Variants in FAM153A observed in about 807,000 individuals in gnomAD.
FAM153A encodes family with sequence similarity 153 member A, also known as protein FAM153A.
In FAM153A, 12 loss-of-function variants were observed where a neutral mutation model predicts 48.1. The observed-to-expected ratio is 0.25, with a 90% confidence interval of 0.16 to 0.40. The LOEUF (loss-of-function observed/expected upper bound fraction) is 0.40, where lower values mean the gene tolerates loss of function less well. Ranked by LOEUF, FAM153A falls within the 10% of genes least tolerant of loss-of-function variation. The pLI is 1.00. For synonymous variants in FAM153A, 36 were observed against 118.2 expected (o/e 0.30, Z 4.51); for missense variants, 111 against 345.8 (o/e 0.32, Z 5.38).
chr5:177,781,885 ATTTTT>A (rs1278832484), upstream of FAM153A, among the ~76,000 whole-genome samples: 1 of 67,294 alleles, frequency 1.5e-5, no homozygotes, highest in Non-Finnish European at 3.1e-5. Flanking sequence ...CGCCCGGCTA[ATTTTT>A]TTTTTTTTTT....
the FAM153A span, among the ~76,000 whole-genome samples, chr5:177,699,003 A>G: frequency 6.6e-6 from 1 of 151,586 alleles, no homozygotes; most frequent in Non-Finnish European, 1.5e-5. Context: ...GTCTCACTAT[A>G]TTCCCTAGGC....
chr5:177,759,703 C>G (rs2127710338), intron 1 of FAM153A, among the ~76,000 whole-genome samples: 2 of 151,080 alleles, frequency 1.3e-5, no homozygotes, highest in East Asian at 3.9e-4. Context: ...TCTCAGCAAA[C>G]TATAGCAAGG....
chr5:177,753,115 T>C, intron 1 of FAM153A: 1 of 1,370,824 alleles, frequency 7.3e-7, no homozygotes, highest in Non-Finnish European at 1.0e-6. Context: ...ACATTTAACA[T>C]ACAGGAAAAC....
intron 25 of FAM153A, chr5:177,714,070 G>T (rs1338423395): frequency 2.6e-5 from 4 of 151,682 alleles, no homozygotes; most frequent in Admixed American, 2.6e-4. Flanking sequence ...AAGAATCACC[G>T]TGATGGGCTG....
chr5:177,695,858 CCT>C, the FAM153A span, among the ~76,000 whole-genome samples: 1 of 149,844 alleles, frequency 6.7e-6, no homozygotes, highest in South Asian at 2.1e-4. Context: ...CAGAGGCACT[CCT>C]CACTTCCCAG....
At chr5:177,704,571 C>T (rs1163411352), downstream of FAM153A, among the ~76,000 whole-genome samples, 6 of 148,670 alleles carry the variant, frequency 4.0e-5, no homozygotes, top group East Asian at 5.9e-4. Context: ...ACCATGGAGG[C>T]GGTTTCTCTG....
chr5:177,701,593 A>ATAAAAT, the FAM153A span, among the ~76,000 whole-genome samples: 80,925 of 150,482 alleles, frequency 0.54, 21,933 homozygotes, highest in Middle Eastern at 0.61. Context: ...TAAAAAATAA[A>ATAAAAT]TAAAATTACC....
chr5:177,714,395 GAA>G (rs1759182492), intron 25 of FAM153A, among the ~76,000 whole-genome samples: 1 of 151,456 alleles, frequency 6.6e-6, no homozygotes, highest in Non-Finnish European at 1.5e-5. Context: ...ATGCTAATTG[GAA>G]AAGACTATTA....
chr5:177,772,429 A>C (rs1451423696), intron 1 of FAM153A, among the ~76,000 whole-genome samples: 1 of 58,138 alleles, frequency 1.7e-5, no homozygotes, highest in Non-Finnish European at 3.3e-5. Context: ...AAGCAGGGCG[A>C]GGCATTGCCT....
intron 16 of FAM153A, among the ~76,000 whole-genome samples, 178 bp from the exon 19 acceptor site, chr5:177,729,733 AG>A (rs1211367490): frequency 7.0e-6 from 1 of 143,850 alleles, no homozygotes; most frequent in Non-Finnish European, 1.5e-5. Flanking sequence ...GGAAGGCACC[AG>A]GAAGGCCTCA....
the FAM153A span, among the ~76,000 whole-genome samples, chr5:177,702,795 C>T: frequency 6.6e-6 from 1 of 151,904 alleles, no homozygotes; most frequent in Admixed American, 6.6e-5. Flanking sequence ...GCCTTGGTGG[C>T]TTCCATGTGG....
rs774084490 is a variant in FAM153A, at chr5:177,778,261, TAAAAAAAAA to T, written c.-57+2179_-57+2187del. Reference sequence around the variant, plus strand: ...ATGTACCCTAAAACTTAGAGTATAATAAAAAAAAAAAAAAAAAAAAAAAAGAAATAAGTG... The same window carrying T: ...ATGTACCCTAAAACTTAGAGTATAATAAAAAAAAAAAAAAAGAAATAAGTG... On this transcript the variant is annotated intron_variant, in intron 1 of 8. Coordinates refer to the FAM153A transcript ENST00000393518. Among the ~76,000 whole-genome samples, 3 of 20,040 alleles carry T rather than the reference TAAAAAAAAA, an allele frequency of 1.5e-4. 1 individual carries two copies. The highest frequency in any genetic ancestry group is 3.0e-3 in the East Asian group (2 of 676). 13.1% of individuals were successfully genotyped at this position (20,040 alleles called of 152,430 possible).
chr5:177,716,989 G>C lies in FAM153A; in HGVS notation c.*1151+174C>G, dbSNP rs1759972510. Among the ~76,000 whole-genome samples the C allele has an allele frequency of 2.7e-5, 4 of 150,850 alleles. 1 individual carries two copies. In the South Asian group the frequency reaches 8.4e-4, roughly 32 times the overall value. On this transcript the variant is annotated intron_variant and NMD_transcript_variant, in intron 24 of 26. Coordinates refer to the FAM153A transcript ENST00000360669. ...AGTGTGTGTGTGTGTGTGTGTGTGT[G>C]TGTGTGTGTGTAGAGTCTGGTCTCA... is the stretch of plus-strand genomic sequence containing the variant.
chr5:177,776,665 G>A (rs1256079093), intron 1 of FAM153A, among the ~76,000 whole-genome samples: 1 of 43,690 alleles, frequency 2.3e-5, no homozygotes, highest in Non-Finnish European at 4.2e-5. Flanking sequence ...AATCAATATC[G>A]TGAAAATGGC....
the FAM153A span, among the ~76,000 whole-genome samples, chr5:177,698,824 A>AT: frequency 6.6e-6 from 1 of 151,344 alleles, no homozygotes; most frequent in Non-Finnish European, 1.5e-5. Flanking sequence ...TGCCTGGCTA[A>AT]TTTTTGTATT....
downstream of FAM153A, among the ~76,000 whole-genome samples, chr5:177,706,364 T>C (rs1757891011): frequency 6.9e-6 from 1 of 144,666 alleles, no homozygotes; most frequent in Non-Finnish European, 1.6e-5. Context: ...GCCTGGCTAC[T>C]TTTTTTTTGT....
the FAM153A span, among the ~76,000 whole-genome samples, chr5:177,699,450 G>T: frequency 6.6e-6 from 1 of 151,078 alleles, no homozygotes; most frequent in South Asian, 2.1e-4. Flanking sequence ...CTTTTAGCTA[G>T]CTAAAACTTT....
chr5:177,743,570 C>T (rs1765661630), intron 6 of FAM153A, among the ~76,000 whole-genome samples: 2 of 125,132 alleles, frequency 1.6e-5, no homozygotes, highest in South Asian at 2.9e-4. Context: ...CACCCCAACC[C>T]CACCTGCAGG....
exon 27 of FAM153A, chr5:177,711,204 T>C (rs1212792910): frequency 6.6e-6 from 1 of 151,892 alleles, no homozygotes; most frequent in African/African-American, 2.4e-5. Flanking sequence ...TTCTGAAGAC[T>C]GTACTGGAAT....
Sources: gnomAD v4.1 joint callset for allele counts (sites outside exome capture counted in the v4.1 genomes callset) on GRCh38, gnomAD v4.1.1 for gene constraint, MANE v1.5 for transcripts, NCBI Gene and HGNC (gene_info 2026-07-23, HGNC 2026-07-21) for gene names.